Variants in ITGB6 observed in about 807,000 individuals in gnomAD.
ITGB6 encodes the protein integrin subunit beta 6.
In ITGB6, 80 loss-of-function variants were observed where a neutral mutation model predicts 84.5. That is an observed-to-expected ratio of 0.95 (90% CI 0.79 to 1.14). The LOEUF is 1.14. ITGB6 is among the 50% of genes most tolerant of loss of function. The pLI, the probability that ITGB6 is intolerant of heterozygous loss-of-function variation, is 0.00. For synonymous variants in ITGB6, 383 were observed against 354.9 expected, an observed-to-expected ratio of 1.08 and a Z score of -0.89; for missense variants, 1,006 against 968.0, an observed-to-expected ratio of 1.04 and a Z score of -0.52.
At chr2:160,108,214 A>AGTGTGAGT (rs1696986107) in intron 13 of ITGB6, among the ~76,000 whole-genome samples, 1 of 142,720 alleles carries the variant, frequency 7.0e-6, no homozygotes, top group Non-Finnish European at 1.5e-5. Context: ...GCAGAAATGG[A>AGTGTGAGT]GTGTGTGTGT....
intron 7 of ITGB6, among the ~76,000 whole-genome samples, chr2:160,153,373 C>T (rs1684501828): frequency 6.6e-6 from 1 of 152,210 alleles, no homozygotes; most frequent in Admixed American, 6.5e-5. Flanking sequence ...GATGGGAAAA[C>T]TGGCTAGCCA....
rs745503924 is a variant in ITGB6, at chr2:160,196,258, C to A, written c.304G>T (p.Val102Phe). The change falls in exon 3 of 15, where the codon GTT becomes TTT. Residue 102 changes from valine (V) to phenylalanine (F), a missense_variant. Coordinates refer to ENST00000283249, the MANE Select transcript of ITGB6 (RefSeq NM_000888.5). ...VGRQKNSSDI[V>F]QIAPQSLILK... ...ATCAAGCTTTGAGGCGCAATCTGAA[C>A]AATGTCAGAACTATTTTTCTGTCTG... 2 of 1,614,002 alleles carry A rather than the reference C, an allele frequency of 1.2e-6. No individual in the cohort carries two copies. Among genetic ancestry groups the A allele is most frequent in the Non-Finnish European group, 1.7e-6 (2 of 1,179,960 alleles).
chr2:160,199,101 C>G, intron 2 of ITGB6, 78 bp downstream of exon 2: 1 of 1,203,826 alleles, frequency 8.3e-7, no homozygotes, highest in South Asian at 1.2e-5. Flanking sequence ...AAGTCACTAT[C>G]AGAAATATCA....
At chr2:160,129,447 C>T (rs1683372063) in intron 10 of ITGB6, among the ~76,000 whole-genome samples, 1 of 149,626 alleles carries the variant, frequency 6.7e-6, no homozygotes. Flanking sequence ...CCAAGTTTTG[C>T]TCTTCCAGCA....
At chr2:160,139,419 T>A (rs1018658787) in intron 8 of ITGB6, among the ~76,000 whole-genome samples, 1 of 152,078 alleles carries the variant, frequency 6.6e-6, no homozygotes, top group African/African-American at 2.4e-5. Flanking sequence ...CTTTGATACT[T>A]TATGTGTAAG....
chr2:160,110,358 T>C (rs1697083301), intron 13 of ITGB6, among the ~76,000 whole-genome samples: 2 of 152,204 alleles, frequency 1.3e-5, no homozygotes, highest in South Asian at 4.1e-4. Context: ...AAACAACATC[T>C]GGCAAATGGT....
chr2:160,156,908 A>G (rs1684643417), intron 7 of ITGB6, among the ~76,000 whole-genome samples: 2 of 152,176 alleles, frequency 1.3e-5, no homozygotes, highest in Non-Finnish European at 2.9e-5. Flanking sequence ...AAGGGAGGTT[A>G]ATGAGTAAGC....
At chr2:160,180,141 AC>A (rs1383477717) in intron 4 of ITGB6, among the ~76,000 whole-genome samples, 6 of 151,772 alleles carry the variant, frequency 4.0e-5, no homozygotes, top group African/African-American at 1.5e-4. Flanking sequence ...AACAAAAAAA[AC>A]AACCTTCAGA....
In ITGB6 at chr2:160,101,786, T is replaced by C; in HGVS notation, c.2317A>G (p.Thr773Ala). 1 of 1,603,768 alleles carries C rather than the reference T, an allele frequency of 6.2e-7. No homozygotes were observed. The highest frequency in any genetic ancestry group is 8.5e-7 in the Non-Finnish European group (1 of 1,170,850). The change falls in exon 15 of 15, where the codon ACT becomes GCT. Residue 773 changes from threonine to alanine, a missense_variant. By Grantham distance (58) the Thr-to-Ala change is moderately conservative. Transcript: ENST00000283249. Reference sequence around the variant, plus strand: ...TTTTGTTTTTCCCTGTGTTTATAAGTTACATTTTTAAAAGTACTTGTGGAT... The same window carrying C: ...TTTTGTTTTTCCCTGTGTTTATAAGCTACATTTTTAAAAGTACTTGTGGAT... ...RGSTSTFKNV[T>A]YKHREKQKVD...
chr2:160,126,387 G>C lies in ITGB6; in HGVS notation c.1875C>G (p.Asn625Lys). Residue 625 changes from asparagine (N) to lysine (K), a missense_variant, in exon 11 of 15, where the codon AAC (asparagine) becomes AAG (lysine). Asn to Lys is a moderately conservative substitution (Grantham distance 94, BLOSUM62 0). Coordinates refer to ENST00000283249, the MANE Select transcript of ITGB6 (RefSeq NM_000888.5). ...AAAAGCAGAGACATTACCGTTTAGA[G>C]TTACAGGGGTCACCACAGGTAGGAC... is the stretch of plus-strand genomic sequence containing the variant. The part of the protein sequence containing the change: ...ERCPTCGDPC[N>K]SKRSCIECHL... 5.0e-6 allele frequency: 8 copies of C among 1,613,990 alleles called. No individual in the cohort carries two copies. The highest frequency in any genetic ancestry group is 6.8e-6 in the Non-Finnish European group (8 of 1,179,850).
chr2:160,166,883 C>T lies in ITGB6; in HGVS notation c.1017+2329G>A, dbSNP rs185311087. On this transcript the variant is annotated intron_variant, in intron 7 of 14. Transcript: ENST00000283249. The stretch of plus-strand genomic sequence containing the variant: ...TGTACAGGCACACTACACACCTGGG[C>T]GGTCCAAAGCATTCTACCACAGTTA... Among the ~76,000 whole-genome samples the T allele has an allele frequency of 2.6e-4, 40 of 152,286 alleles. 1 individual carries two copies. Among genetic ancestry groups the T allele is most frequent in the Middle Eastern group, 3.4e-3 (1 of 294 alleles).
chr2:160,148,417 C>G (rs1684278776), intron 7 of ITGB6, among the ~76,000 whole-genome samples: 1 of 152,160 alleles, frequency 6.6e-6, no homozygotes, highest in Non-Finnish European at 1.5e-5. Context: ...CAAAACAAAA[C>G]AAACACTTAC....
At chr2:160,106,651 A>G (rs1304090179) in intron 14 of ITGB6, among the ~76,000 whole-genome samples, 1 of 152,214 alleles carries the variant, frequency 6.6e-6, no homozygotes, top group Non-Finnish European at 1.5e-5. Flanking sequence ...TTTAATGGGA[A>G]GATAAAGTAG....
intron 8 of ITGB6, among the ~76,000 whole-genome samples, chr2:160,139,913 C>T (rs1255668972): frequency 6.6e-6 from 1 of 152,108 alleles, no homozygotes; most frequent in Non-Finnish European, 1.5e-5. Context: ...GATAAGTACA[C>T]ATCGGTATTT....
chr2:160,125,109 A>G (rs1325274258), intron 11 of ITGB6, among the ~76,000 whole-genome samples: 1 of 147,446 alleles, frequency 6.8e-6, no homozygotes, highest in Non-Finnish European at 1.5e-5. Context: ...CAGCATTGCA[A>G]TGACTTTAAA....
At chr2:160,158,813 A>T (rs1408046390) in intron 7 of ITGB6, among the ~76,000 whole-genome samples, 1 of 152,198 alleles carries the variant, frequency 6.6e-6, no homozygotes, top group Admixed American at 6.5e-5. Context: ...AGAAATGCAG[A>T]TTCTTGGCTG....
chr2:160,107,598 C>T (rs2105773636), intron 14 of ITGB6, 81 bp downstream of exon 14: 1 of 1,274,002 alleles, frequency 7.8e-7, no homozygotes, highest in East Asian at 2.3e-5. Flanking sequence ...ACTCCCAGAG[C>T]AGAAGAAAGC....
intron 12 of ITGB6, among the ~76,000 whole-genome samples, chr2:160,119,755 G>A (rs900056789): frequency 1.3e-4 from 20 of 152,050 alleles, no homozygotes; most frequent in African/African-American, 3.1e-4. Context: ...GAAAATTTTC[G>A]CAACCTACTC....
At chr2:160,199,126 A>G (rs1686453917) in intron 2 of ITGB6, 53 bp downstream of exon 2, 11 of 1,411,736 alleles carry the variant, frequency 7.8e-6, no homozygotes, top group Admixed American at 1.7e-5. Flanking sequence ...GGAAATTAAC[A>G]TGAATTTAAC....
Sources: allele counts gnomAD v4.1 joint callset (sites outside exome capture counted in the v4.1 genomes callset), GRCh38; gene constraint gnomAD v4.1.1; transcripts MANE v1.5; gene names NCBI Gene and HGNC (gene_info 2026-07-23, HGNC 2026-07-21).